RBM17: variants seen among roughly 807,000 people sequenced by gnomAD.
RBM17 encodes the protein splicing factor 45.
RBM17 carries 7 observed loss-of-function variants against 53.2 expected under a neutral mutation model. The observed-to-expected ratio is 0.13, with a 90% CI of 0.07 to 0.25. The LOEUF (loss-of-function observed/expected upper bound fraction) is 0.25, where lower values mean the gene tolerates loss of function less well. RBM17 is among the 10% of genes least tolerant of loss of function. RBM17 has a pLI of 1.00. For synonymous variants in RBM17, 167 were observed against 178.1 expected (o/e 0.94, Z 0.50); for missense variants, 257 against 496.7 (o/e 0.52, Z 4.59).
chr10:6,110,723 AGTAT>A (rs1484105655), intron 7 of RBM17, among the ~76,000 whole-genome samples: 1 of 152,242 alleles, frequency 6.6e-6, no homozygotes, highest in Non-Finnish European at 1.5e-5. Context: ...CCCATGAAGC[AGTAT>A]CACATGAAGG....
chr10:6,110,166 A>G (rs764338255), intron 7 of RBM17, 39 bp downstream of exon 7: 9 of 1,564,642 alleles, frequency 5.8e-6, no homozygotes, highest in Non-Finnish European at 7.8e-6. Flanking sequence ...CTTGAGAGAC[A>G]GTGTGAAGCG....
chr10:6,091,683 C>G (rs544500087), intron 1 of RBM17, among the ~76,000 whole-genome samples: 3 of 152,184 alleles, frequency 2.0e-5, no homozygotes, highest in East Asian at 1.9e-4. Context: ...TTAATAGAGC[C>G]ACTTAACAAT....
intron 7 of RBM17, among the ~76,000 whole-genome samples, chr10:6,111,266 A>G (rs1029943930): frequency 2.0e-5 from 3 of 152,242 alleles, no homozygotes; most frequent in Non-Finnish European, 2.9e-5. Flanking sequence ...TGTGAGAGCC[A>G]TTTGGTTGTT....
rs1840436247 is a variant in RBM17 at position 6,089,126 on chromosome 10, G to GC, written c.-85dup. 5.0e-5 allele frequency: 8 copies of GC among 160,760 alleles called. No homozygotes were observed. The allele number at this position is 160,760 out of a possible 1,614,324, so 10.0% of individuals were successfully genotyped here. On this transcript the variant is annotated 5_prime_UTR_variant, in exon 1 of 12. Coordinates refer to ENST00000379888, the MANE Select transcript of RBM17 (RefSeq NM_032905.5). The surrounding 1 kb of genome is among the most constrained non-coding windows in gnomAD (Gnocchi z 5.6). Reference sequence around the variant, plus strand: ...GGCCTCCTGCCGCTGGCGGGTTTCCGCGGAGTGCCGCCCGGCTCCGCTCTG... The same window carrying GC: ...GGCCTCCTGCCGCTGGCGGGTTTCCGCCGGAGTGCCGCCCGGCTCCGCTCTG...
chr10:6,104,967 C>G lies in RBM17; in HGVS notation c.277C>G (p.Leu93Val). ...CAGTGGGTTTTCTGCAGGGGAAGTT[C>G]TGATTCCCTTAGCTGACGAATATGA... ...VPSGFSAGEV[L>V]IPLADEYDPM... The change falls in exon 4 of 12, where the codon CTG becomes GTG. Residue 93 changes from leucine to valine, a missense_variant. Physicochemically the swap from Leu to Val is conservative, Grantham distance 32. Coordinates refer to ENST00000379888, the MANE Select transcript of RBM17 (RefSeq NM_032905.5). 1 of 1,613,920 alleles carries G rather than the reference C, an allele frequency of 6.2e-7. No homozygotes were observed. Among genetic ancestry groups the G allele is most frequent in the Non-Finnish European group, 8.5e-7 (1 of 1,179,820 alleles).
chr10:6,098,563 G>GTTTTTTTTTTTTTTTTTTTTTTTTTTT (rs398012715), intron 2 of RBM17, among the ~76,000 whole-genome samples: 1 of 46,666 alleles, frequency 2.1e-5, no homozygotes, highest in African/African-American at 7.9e-5. Context: ...CAGGTTTTTT[G>GTTTTTTTTTTTTTTTTTTTTTTTTTTT]TTTTTTTTTT....
chr10:6,098,556 G>GGTTTTTTTT lies in RBM17; in HGVS notation c.123+1368_123+1369insGTTTTTTTT, dbSNP rs1840613398. On this transcript the variant is annotated intron_variant, in intron 2 of 11. Coordinates refer to ENST00000379888, the MANE Select transcript of RBM17 (RefSeq NM_032905.5). ...GTTTGAAAATTTCCGTAATACACAG[G>GGTTTTTTTT]TTTTTTGTTTTTTTTTTTTTTTTTT... Among the ~76,000 whole-genome samples the GGTTTTTTTT allele has an allele frequency of 1.4e-4, 12 of 87,980 alleles. No homozygotes were observed. In the South Asian group the frequency reaches 2.2e-3, roughly 16 times the overall value. 57.7% of individuals were successfully genotyped at this position (87,980 alleles called of 152,430 possible).
At chr10:6,092,184 C>T (rs892994657) in intron 1 of RBM17, among the ~76,000 whole-genome samples, 1 of 152,166 alleles carries the variant, frequency 6.6e-6, no homozygotes, top group Non-Finnish European at 1.5e-5. Context: ...ACTTTTGATC[C>T]TGGCTTCTTA....
At chr10:6,104,714 G>A (rs1484805437) in intron 3 of RBM17, among the ~76,000 whole-genome samples, 1 of 152,156 alleles carries the variant, frequency 6.6e-6, no homozygotes, top group Non-Finnish European at 1.5e-5. Flanking sequence ...TATAGAAATA[G>A]TACTAATCTA....
rs1554834988 is a variant in RBM17 at position 6,098,563 on chromosome 10, G to GTGTTTTTTTTTTTTTTTTTTTTT, written c.123+1376_123+1377insGTTTTTTTTTTTTTTTTTTTTTT. On this transcript the variant is annotated intron_variant, in intron 2 of 11. Coordinates refer to ENST00000379888, the MANE Select transcript of RBM17 (RefSeq NM_032905.5). Reference sequence around the variant, plus strand: ...AATTTCCGTAATACACAGGTTTTTTGTTTTTTTTTTTTTTTTTTTTTTTTT... The same window carrying GTGTTTTTTTTTTTTTTTTTTTTT: ...AATTTCCGTAATACACAGGTTTTTTGTGTTTTTTTTTTTTTTTTTTTTTTTTTTTTTTTTTTTTTTTTTTTTTT... Among the ~76,000 whole-genome samples the GTGTTTTTTTTTTTTTTTTTTTTT allele has an allele frequency of 4.3e-5, 2 of 46,642 alleles. 1 individual carries two copies. The highest frequency in any genetic ancestry group is 8.9e-5 in the Non-Finnish European group (2 of 22,538). 30.6% of individuals were successfully genotyped at this position (46,642 alleles called of 152,430 possible). A position where few individuals can be genotyped will look rare whatever the true frequency, so the allele number is the denominator to read the frequency against.
chr10:6,111,252 G>T (rs1305468373), intron 7 of RBM17, among the ~76,000 whole-genome samples: 1 of 152,230 alleles, frequency 6.6e-6, no homozygotes, highest in Non-Finnish European at 1.5e-5. Flanking sequence ...GCCTCAGAGC[G>T]CAGTGTGAGA....
At chr10:6,115,417 G>T (rs772033152) in intron 11 of RBM17, 36 bp from the exon 12 acceptor site, 1 of 1,537,688 alleles carries the variant, frequency 6.5e-7, no homozygotes, top group Admixed American at 1.7e-5. Flanking sequence ...TATCTTATAG[G>T]ATACCTGTAT....
At chr10:6,097,326 A>T in intron 2 of RBM17, 138 bp downstream of exon 2, 3 of 861,780 alleles carry the variant, frequency 3.5e-6, no homozygotes, top group Non-Finnish European at 5.4e-6. Flanking sequence ...GGGGAGAGGA[A>T]TGAGGAGTTT....
chr10:6,092,834 C>T (rs918569741), intron 1 of RBM17, among the ~76,000 whole-genome samples: 5 of 152,128 alleles, frequency 3.3e-5, no homozygotes, highest in African/African-American at 1.2e-4. Context: ...ATATTTAAAG[C>T]GTTTTGCAGG....
chr10:6,110,837 A>G (rs1005729159), intron 7 of RBM17, among the ~76,000 whole-genome samples: 1 of 152,212 alleles, frequency 6.6e-6, no homozygotes, highest in African/African-American at 2.4e-5. Flanking sequence ...TCTCCTTTCA[A>G]GTGCTCAGTG....
chr10:6,114,003 G>T (rs540683956), intron 9 of RBM17, 46 bp from the exon 10 acceptor site: 1 of 1,268,358 alleles, frequency 7.9e-7, no homozygotes, highest in Non-Finnish European at 1.1e-6. Context: ...CTAGGTGTTT[G>T]TAAGTTATAC....
At chr10:6,091,114 C>T (rs1384470305) in intron 1 of RBM17, among the ~76,000 whole-genome samples, 1 of 150,582 alleles carries the variant, frequency 6.6e-6, no homozygotes, top group Non-Finnish European at 1.5e-5. Flanking sequence ...GGCTGGAGTG[C>T]AGCGGTGTAA....
chr10:6,108,835 G>T (rs1308051287), intron 6 of RBM17, 93 bp downstream of exon 6: 2 of 971,276 alleles, frequency 2.1e-6, no homozygotes, highest in Non-Finnish European at 3.2e-6. Flanking sequence ...TTTCCTGAGC[G>T]TAGAGGGAAA....
chr10:6,110,412 T>C (rs952989526), intron 7 of RBM17, among the ~76,000 whole-genome samples: 45 of 152,208 alleles, frequency 3.0e-4, no homozygotes, highest in African/African-American at 1.1e-3. Context: ...TTCATAACGT[T>C]TGCAAATAAA....
Sources: allele counts gnomAD v4.1 joint callset (sites outside exome capture counted in the v4.1 genomes callset), GRCh38; gene constraint gnomAD v4.1.1; non-coding constraint Gnocchi (gnomAD v3.1); transcripts MANE v1.5; gene names NCBI Gene and HGNC (gene_info 2026-07-23, HGNC 2026-07-21).